Variants in IPO8 observed in about 807,000 individuals in gnomAD.
IPO8 encodes the protein importin-8.
Under a neutral mutation model 141.2 loss-of-function variants are expected in IPO8, and 65 were observed. That is an observed-to-expected ratio of 0.46 (90% CI 0.38 to 0.57). The LOEUF (loss-of-function observed/expected upper bound fraction) is 0.57, where lower values mean the gene tolerates loss of function less well. IPO8 is among the 20% of genes least tolerant of loss of function. The probability of loss-of-function intolerance (pLI) is 0.00; values close to 1 mark genes in which losing one functional copy is unlikely to be tolerated. For missense variants in IPO8, 980 were observed against 1,246.8 expected, an observed-to-expected ratio of 0.79 and a Z score of 3.22; for synonymous variants, 411 against 420.3, an observed-to-expected ratio of 0.98 and a Z score of 0.27.
In IPO8 at chr12:30,630,062, T is replaced by G. The variant is rs1445133863; in HGVS notation, c.*798A>C. On this transcript the variant is annotated 3_prime_UTR_variant, in exon 25 of 25. Transcript: ENST00000256079. ...TACTCAGACTTACTGTTAACTCCAG[T>G]GACTAAAGAGCCCCTGCCACTTGCT... 6.6e-6 allele frequency: 1 copy of G among 152,142 alleles called. No homozygotes were observed. Among genetic ancestry groups the G allele is most frequent in the African/African-American group, 2.4e-5 (1 of 41,418 alleles). The allele number at this position is 152,142 out of a possible 1,614,324, so 9.4% of individuals were successfully genotyped here.
At chr12:30,636,946 T>G in intron 22 of IPO8, 36 bp downstream of exon 22, 1 of 1,548,192 alleles carries the variant, frequency 6.5e-7, no homozygotes, top group Middle Eastern at 1.7e-4. Context: ...CAAATCAAAA[T>G]CAATTGTAAC....
chr12:30,673,890 T>G (rs768852288), intron 8 of IPO8, 100 bp downstream of exon 8: 5 of 635,428 alleles, frequency 7.9e-6, no homozygotes, highest in Non-Finnish European at 1.1e-5. Context: ...TCTATAAATA[T>G]GTAATGAATT....
rs377410854 is a variant in IPO8 at position 30,674,672 on chromosome 12, G to A, written c.811C>T (p.Arg271Trp). Residue 271 changes from arginine (R) to tryptophan (W), a missense_variant, in exon 7 of 25, where the codon CGG becomes TGG. Arg to Trp is a moderately radical substitution (Grantham distance 101). Around this residue, in one of 3 missense-constraint regions of IPO8, gnomAD observed 924 missense variants for 1,153.9 expected, o/e 0.80. Coordinates refer to ENST00000256079, the MANE Select transcript of IPO8 (RefSeq NM_006390.4). ...ACAGATAATTACCGTTCAAAGAGCC[G>A]AGCTACAATATGCAGTGCCCACTTC... Reference protein sequence around the residue: ...CKKWALHIVARLFERYGSPGN... With the variant: ...CKKWALHIVAWLFERYGSPGN... 4.3e-6 allele frequency: 7 copies of A among 1,609,428 alleles called. No individual in the cohort carries two copies. Among genetic ancestry groups the A allele is most frequent in the South Asian group, 1.1e-5 (1 of 90,990 alleles).
At chr12:30,671,500 C>T (rs1047712253) in intron 8 of IPO8, among the ~76,000 whole-genome samples, 2 of 151,808 alleles carry the variant, frequency 1.3e-5, no homozygotes, top group South Asian at 2.1e-4. Context: ...GGTGAAACCC[C>T]GTCTCTACTG....
At position 30,660,189 on chromosome 12, in the gene IPO8, C is replaced by T. The variant is rs150132770; in HGVS notation, c.1881+952G>A. On this transcript the variant is annotated intron_variant, in intron 16 of 24. Coordinates refer to ENST00000256079, the MANE Select transcript of IPO8 (RefSeq NM_006390.4). ...AGTGAACCAAGATCATGCCACTGCA[C>T]GCCAGCCTAGGTGACAGAGTGAGAC... Among the ~76,000 whole-genome samples the T allele has an allele frequency of 1.4e-4, 21 of 152,288 alleles. No individual in the cohort carries two copies. The East Asian group carries it at 2.1e-3, about 15-fold the overall frequency.
In IPO8 at chr12:30,683,588, T is replaced by C. The variant is rs1479609527; in HGVS notation, c.323+713A>G. On this transcript the variant is annotated intron_variant, in intron 3 of 24. Coordinates refer to ENST00000256079, the MANE Select transcript of IPO8 (RefSeq NM_006390.4). ...ATGACTTTACAGCTGCTCTGTCCAA[T>C]AGAGCAGCTGCTAGTTAAATATGCA... Among the ~76,000 whole-genome samples, 4 of 152,328 alleles carry C rather than the reference T, an allele frequency of 2.6e-5. No homozygotes were observed. In the South Asian group the frequency reaches 8.3e-4, roughly 32 times the overall value.
Position 30,649,593 on chromosome 12 carries a change from C to A in IPO8, c.2173-361G>T, listed in dbSNP as rs148316478. ...AACTATTTTTCTGTTCCTTTTGAATCCTGGTCCATATGAACCCATTTTTTT... is the reference window on the plus strand; with the variant it reads ...AACTATTTTTCTGTTCCTTTTGAATACTGGTCCATATGAACCCATTTTTTT... On this transcript the variant is annotated intron_variant, in intron 19 of 24. Transcript: ENST00000256079. Among the ~76,000 whole-genome samples, 1,518 of 152,208 alleles carry A rather than the reference C, an allele frequency of 1.0e-2. 23 individuals are homozygous for A. The highest frequency in any genetic ancestry group is 0.034 in the African/African-American group (1,416 of 41,550).
At chr12:30,634,374 T>G (rs968017467) in intron 22 of IPO8, 88 bp from the exon 23 acceptor site, 9 of 1,052,942 alleles carry the variant, frequency 8.5e-6, no homozygotes, top group Non-Finnish European at 1.1e-5. Context: ...ACTATAAAAC[T>G]ACACTCTGGA....
Position 30,637,092 on chromosome 12 carries a change from A to G in IPO8, c.2585T>C (p.Val862Ala), listed in dbSNP as rs1334035619. 2 of 1,614,058 alleles carry G rather than the reference A, an allele frequency of 1.2e-6. No individual in the cohort carries two copies. Among genetic ancestry groups the G allele is most frequent in the South Asian group, 1.1e-5 (1 of 91,082 alleles). The stretch of plus-strand genomic sequence containing the variant: ...AAGGAAAAGGAAAAGAATTGAGGGA[A>G]CAATCTGTCCCACCACAGCATCTAC... Reference protein sequence around the residue: ...PAVDAVVGQIVPSILFLFLGL... With the variant: ...PAVDAVVGQIAPSILFLFLGL... Residue 862 changes from valine (V) to alanine (A), a missense_variant, in exon 22 of 25, where the codon GTT (valine) becomes GCT (alanine). Physicochemically the swap from Val to Ala is moderately conservative, Grantham distance 64 (BLOSUM62 0). Transcript: ENST00000256079.
intron 23 of IPO8, 38 bp from the exon 24 acceptor site, chr12:30,632,049 C>T (rs747051097): frequency 4.4e-6 from 6 of 1,356,238 alleles, no homozygotes; most frequent in Admixed American, 1.7e-5. Context: ...GAGGGTACAG[C>T]GACTATTAAT....
Position 30,681,811 on chromosome 12 carries a change from T to C in IPO8, c.330A>G (p.Gln110=), listed in dbSNP as rs144183242. The C allele has an allele frequency of 6.2e-6, 10 of 1,612,456 alleles. No homozygotes were observed. In the African/African-American group the frequency reaches 6.7e-5, roughly 11 times the overall value. Residue 110 remains glutamine (Q), a synonymous_variant, in exon 4 of 25, where the codon CAA becomes CAG. Transcript: ENST00000256079. ...IIRSPDLVRV[Q]LTMCLRAIIK... The stretch of plus-strand genomic sequence containing the variant: ...TGATGGCACGGAGACACATTGTTAA[T>C]TGGACTCTACAAAGTAGGGAAGAAA...
chr12:30,635,909 A>G (rs1360665044), intron 22 of IPO8, among the ~76,000 whole-genome samples: 1 of 152,098 alleles, frequency 6.6e-6, no homozygotes, highest in Non-Finnish European at 1.5e-5. Context: ...CCCTCAAGCC[A>G]TACAGTATAA....
intron 2 of IPO8, among the ~76,000 whole-genome samples, chr12:30,689,080 G>A (rs1565511626): frequency 6.6e-6 from 1 of 151,926 alleles, no homozygotes; most frequent in Non-Finnish European, 1.5e-5. Flanking sequence ...ATCTTCAAGG[G>A]TACATGGTTA....
In IPO8 at chr12:30,662,346, A is replaced by G. The variant is rs969835913; in HGVS notation, c.1736T>C (p.Val579Ala). 1 of 1,613,658 alleles carries G rather than the reference A, an allele frequency of 6.2e-7. No homozygotes were observed. Among genetic ancestry groups the G allele is most frequent in the African/African-American group, 1.3e-5 (1 of 74,924 alleles). The stretch of plus-strand genomic sequence containing the variant: ...TCTTACCAAGTGTTGGGTCATATCA[A>G]CAGCAATTGAGGCTACCTCTTGACT... ...EYSQEVASIAVDMTQHLAEIF... is the reference protein window; with the variant it reads ...EYSQEVASIAADMTQHLAEIF... Residue 579 changes from valine to alanine, a missense_variant, in exon 15 of 25, where the codon GTT becomes GCT. Transcript: ENST00000256079.
chr12:30,666,925 G>A (rs539605867), intron 10 of IPO8, among the ~76,000 whole-genome samples: 5 of 152,276 alleles, frequency 3.3e-5, no homozygotes, highest in East Asian at 1.9e-4. Context: ...CTGTCGATAC[G>A]TAAGTTCAGC....
Position 30,695,653 on chromosome 12 carries a change from C to CG in IPO8, c.-7dup. On this transcript the variant is annotated 5_prime_UTR_variant, in exon 1 of 25. Transcript: ENST00000256079. The surrounding 1 kb of genome is among the most constrained non-coding windows in gnomAD (Gnocchi z 4.2). ...ATGATCCGGTTGAGGTCCATCTCCC[C>CG]GGGTGGGGGCTCCGCGGCCCCCGGA... 1.2e-6 allele frequency: 2 copies of CG among 1,613,018 alleles called. No homozygotes were observed. The highest frequency in any genetic ancestry group is 4.5e-5 in the East Asian group (2 of 44,792).
chr12:30,663,541 G>C lies in IPO8; in HGVS notation c.1542C>G (p.Val514=), dbSNP rs1174450046. 1 of 1,613,776 alleles carries C rather than the reference G, an allele frequency of 6.2e-7. No homozygotes were observed. Among genetic ancestry groups the C allele is most frequent in the Non-Finnish European group, 8.5e-7 (1 of 1,179,864 alleles). Residue 514 remains valine (V), a synonymous_variant, in exon 14 of 25, where the codon GTC becomes GTG. Coordinates refer to ENST00000256079, the MANE Select transcript of IPO8 (RefSeq NM_006390.4). ...GAAGAGCAAGGGCAGCTTCAACTTT[G>C]ACAGGCATCTCTTTATCTTCAATCA... ...KSLIEDKEMP[V]KVEAALALQS...
At chr12:30,632,615 A>G (rs1315069475) in intron 23 of IPO8, among the ~76,000 whole-genome samples, 1 of 152,014 alleles carries the variant, frequency 6.6e-6, no homozygotes, top group Non-Finnish European at 1.5e-5. Context: ...TTCTTTCTTA[A>G]TGTCTTTCAT....
Position 30,664,020 on chromosome 12 carries a change from A to ATTAT in IPO8, c.1429-370_1429-367dup, listed in dbSNP as rs536916562. On this transcript the variant is annotated intron_variant, in intron 13 of 24. Coordinates refer to ENST00000256079, the MANE Select transcript of IPO8 (RefSeq NM_006390.4). ...TTCATTTGTCACACTTAGGTAAAAC[A>ATTAT]TTATTTTCCCTTACACTAACTGGTT... Among the ~76,000 whole-genome samples the ATTAT allele has an allele frequency of 7.9e-5, 12 of 152,308 alleles. 1 individual carries two copies. The South Asian group carries it at 2.3e-3, about 29-fold the overall frequency.
Sources: gnomAD v4.1 joint callset for allele counts (sites outside exome capture counted in the v4.1 genomes callset) on GRCh38, gnomAD v4.1.1 for gene constraint, gnomAD v4.1.1 regional missense constraint, Gnocchi (gnomAD v3.1) non-coding constraint, MANE v1.5 for transcripts, NCBI Gene and HGNC (gene_info 2026-07-23, HGNC 2026-07-21) for gene names.